Variants in TAFA3 observed in about 807,000 individuals in gnomAD.
TAFA3 encodes chemokine-like protein TAFA-3.
Under a neutral mutation model 20.7 loss-of-function variants are expected in TAFA3, and 17 were observed. The ratio of observed to expected loss-of-function variants is 0.82; its 90% confidence interval spans 0.56 to 1.23. TAFA3 has a LOEUF of 1.23. Ranked by LOEUF, TAFA3 falls within the 50% of genes most tolerant of loss-of-function variation. The pLI, the probability that TAFA3 is intolerant of heterozygous loss-of-function variation, is 0.00. For missense variants in TAFA3, 174 were observed against 172.8 expected (o/e 1.01, Z -0.04); for synonymous variants, 74 against 71.8 (o/e 1.03, Z -0.16).
rs1432508281 is a variant in TAFA3, at chr1:112,722,148, C to A, written c.-1-85C>A. 8 of 1,419,080 alleles carry A rather than the reference C, an allele frequency of 5.6e-6. No individual in the cohort carries two copies. The African/African-American group carries it at 9.8e-5, about 17-fold the overall frequency. 87.9% of individuals were successfully genotyped at this position (1,419,080 alleles called of 1,614,324 possible). The stretch of plus-strand genomic sequence containing the variant: ...GCCTCCTCCCCATCTTTGTGCCTCC[C>A]AGAGTGTGTGGCACAGAGAAGGTGC... On this transcript the variant is annotated intron_variant, in intron 2 of 5. Transcript: ENST00000361886.
chr1:112,726,625 C>G lies in TAFA3; in HGVS notation c.391-4C>G. 6.2e-7 allele frequency: 1 copy of G among 1,613,808 alleles called. No individual in the cohort carries two copies. Among genetic ancestry groups the G allele is most frequent in the Non-Finnish European group, 8.5e-7 (1 of 1,179,816 alleles). On this transcript the variant is annotated splice_polypyrimidine_tract_variant and splice_region_variant and intron_variant, in intron 5 of 5. Coordinates refer to ENST00000361886, the MANE Select transcript of TAFA3 (RefSeq NM_182759.3). Reference sequence around the variant, plus strand: ...CTAACCTTACCCTCTCGCTTCTTCACCAGGTCACACGATAGCTCTTGGGGG... The same window carrying G: ...CTAACCTTACCCTCTCGCTTCTTCAGCAGGTCACACGATAGCTCTTGGGGG...
At chr1:112,720,981 G>A (rs769042210) in intron 2 of TAFA3, among the ~76,000 whole-genome samples, 43 of 152,324 alleles carry the variant, frequency 2.8e-4, no homozygotes, top group Middle Eastern at 3.4e-3. Context: ...GAGAACAGAG[G>A]CAAGGTGGTG....
At position 112,723,172 on chromosome 1, in the gene TAFA3, G is replaced by A. The variant is rs955708485; in HGVS notation, c.265+7G>A. 1 of 1,611,626 alleles carries A rather than the reference G, an allele frequency of 6.2e-7. No homozygotes were observed. The highest frequency in any genetic ancestry group is 8.5e-7 in the Non-Finnish European group (1 of 1,179,434). On this transcript the variant is annotated splice_region_variant and intron_variant, in intron 4 of 5. Transcript: ENST00000361886. ...AAGCCCTCCTGCGTGGACGGTGAGT[G>A]AGAGGCCAGGACCCGGGCAGGGCCC...
intron 1 of TAFA3, among the ~76,000 whole-genome samples, chr1:112,719,991 T>C (rs1675290614): frequency 6.6e-6 from 1 of 151,808 alleles, no homozygotes; most frequent in Non-Finnish European, 1.5e-5. Context: ...GGAAGAGAGG[T>C]TCTTAGGGAG....
chr1:112,719,562 T>C (rs1423650724), intron 1 of TAFA3, among the ~76,000 whole-genome samples: 1 of 151,650 alleles, frequency 6.6e-6, no homozygotes, highest in Non-Finnish European at 1.5e-5. Flanking sequence ...AGGGAGGGAA[T>C]AGAATGCCAG....
intron 2 of TAFA3, 74 bp from the exon 3 acceptor site, chr1:112,722,159 G>A: frequency 1.3e-6 from 2 of 1,489,402 alleles, no homozygotes; most frequent in Non-Finnish European, 1.9e-6. Flanking sequence ...AGAGTGTGTG[G>A]CACAGAGAAG....
intron 1 of TAFA3, among the ~76,000 whole-genome samples, chr1:112,720,078 G>A (rs1293460831): frequency 1.3e-5 from 2 of 152,150 alleles, no homozygotes; most frequent in Admixed American, 1.3e-4. Flanking sequence ...CCTCTGGTGT[G>A]GGAATGGGGG....
At position 112,723,982 on chromosome 1, in the gene TAFA3, T is replaced by C. The variant is rs772742194; in HGVS notation, c.266-31T>C. ...CTGCCCACTGTGCTCGTAGAGACCC[T>C]AGAGCTGCACTCCGCCTCCTGCTCC... On this transcript the variant is annotated intron_variant, in intron 4 of 5. Coordinates refer to ENST00000361886, the MANE Select transcript of TAFA3 (RefSeq NM_182759.3). 18 of 1,613,828 alleles carry C rather than the reference T, an allele frequency of 1.1e-5. No individual in the cohort carries two copies. The South Asian group carries it at 1.2e-4, about 11-fold the overall frequency.
At chr1:112,721,686 G>C (rs1477266174) in intron 2 of TAFA3, among the ~76,000 whole-genome samples, 1 of 152,144 alleles carries the variant, frequency 6.6e-6, no homozygotes, top group African/African-American at 2.4e-5. Flanking sequence ...ATTATCACTG[G>C]AGATCACTGC....
intron 2 of TAFA3, among the ~76,000 whole-genome samples, chr1:112,720,991 G>A (rs918612572): frequency 2.0e-5 from 3 of 152,204 alleles, no homozygotes; most frequent in Admixed American, 6.5e-5. Flanking sequence ...GCAAGGTGGT[G>A]CAGTGGGCAG....
At chr1:112,719,722 C>G (rs564500058) in intron 1 of TAFA3, among the ~76,000 whole-genome samples, 4 of 152,192 alleles carry the variant, frequency 2.6e-5, no homozygotes, top group Admixed American at 6.5e-5. Flanking sequence ...GAAGACAAAG[C>G]TGCATTTGTG....
chr1:112,722,292 T>C lies in TAFA3; in HGVS notation c.59T>C (p.Leu20Pro). 3.1e-6 allele frequency: 5 copies of C among 1,614,084 alleles called. No individual in the cohort carries two copies. Among genetic ancestry groups the C allele is most frequent in the Non-Finnish European group, 4.2e-6 (5 of 1,180,026 alleles). ...GGCGGCTGGCTGCTGGCACTGTGCC[T>C]GGCCTGGCTGTGGACCCACCTGACC... is the stretch of plus-strand genomic sequence containing the variant. ...STGGWLLALC[L>P]AWLWTHLTLA... The change falls in exon 3 of 6, where the codon CTG becomes CCG. Residue 20 changes from leucine to proline, a missense_variant. By Grantham distance (98) the Leu-to-Pro change is moderately conservative (BLOSUM62 -3). Transcript: ENST00000361886.
At chr1:112,726,202 C>T (rs1675467877) in intron 5 of TAFA3, among the ~76,000 whole-genome samples, 1 of 152,024 alleles carries the variant, frequency 6.6e-6, no homozygotes, top group African/African-American at 2.4e-5. Flanking sequence ...AAGAGAGCAA[C>T]CATTTTCACA....
At chr1:112,725,595 T>C (rs915420263) in intron 5 of TAFA3, among the ~76,000 whole-genome samples, 1 of 151,268 alleles carries the variant, frequency 6.6e-6, no homozygotes, top group African/African-American at 2.4e-5. Flanking sequence ...TAGTCAGATT[T>C]CTCTGTCCAC....
At chr1:112,723,326 G>A (rs949338675) in intron 4 of TAFA3, among the ~76,000 whole-genome samples, 161 bp downstream of exon 4, 4 of 152,114 alleles carry the variant, frequency 2.6e-5, no homozygotes, top group Admixed American at 6.5e-5. Context: ...GGGCAGACGT[G>A]GCCATCCCTG....
In TAFA3 at chr1:112,726,666, G is replaced by A. The variant is rs1675478997; in HGVS notation, c.*26G>A. The A allele has an allele frequency of 6.2e-7, 1 of 1,613,826 alleles. No homozygotes were observed. On this transcript the variant is annotated 3_prime_UTR_variant, in exon 6 of 6. Transcript: ENST00000361886. Reference sequence around the variant, plus strand: ...CTCTTGGGGGTCACGGCCTGGACAAGAAAGGCTTGACTGAGCCGTGAACTG... The same window carrying A: ...CTCTTGGGGGTCACGGCCTGGACAAAAAAGGCTTGACTGAGCCGTGAACTG...
intron 5 of TAFA3, among the ~76,000 whole-genome samples, chr1:112,725,822 C>T (rs72701131): frequency 0.032 from 4,875 of 152,244 alleles, 93 homozygotes; most frequent in Non-Finnish European, 0.049. Context: ...CCACACACAG[C>T]AAACAAGCAA....
chr1:112,726,822 A>G lies in TAFA3; in HGVS notation c.*182A>G. On this transcript the variant is annotated 3_prime_UTR_variant, in exon 6 of 6. Transcript: ENST00000361886. ...CAGATATGGATGGATCTGCAATCACATACCTAATGTGGAGCTGGGCTTTTC... is the reference window on the plus strand; with the variant it reads ...CAGATATGGATGGATCTGCAATCACGTACCTAATGTGGAGCTGGGCTTTTC... 1 of 848,498 alleles carries G rather than the reference A, an allele frequency of 1.2e-6. No homozygotes were observed. Among genetic ancestry groups the G allele is most frequent in the South Asian group, 1.7e-5 (1 of 57,516 alleles). The allele number at this position is 848,498 out of a possible 1,614,324, so 52.6% of individuals were successfully genotyped here. A position where few individuals can be genotyped will look rare whatever the true frequency, so the allele number is the denominator to read the frequency against.
intron 4 of TAFA3, 109 bp from the exon 5 acceptor site, chr1:112,723,904 T>G (rs1285397349): frequency 6.2e-7 from 1 of 1,608,104 alleles, no homozygotes; most frequent in East Asian, 2.2e-5. Flanking sequence ...AATGCATGGC[T>G]CAAGGCCAGG....
Sources: allele counts gnomAD v4.1 joint callset (sites outside exome capture counted in the v4.1 genomes callset), GRCh38; gene constraint gnomAD v4.1.1; transcripts MANE v1.5; gene names NCBI Gene and HGNC (gene_info 2026-07-23, HGNC 2026-07-21).